The following GAK variants were observed in gnomAD, a reference collection of about 807,000 sequenced individuals.
GAK encodes cyclin-G-associated kinase.
GAK carries 79 observed loss-of-function variants against 143.9 expected under a neutral mutation model. The observed-to-expected ratio is 0.55, with a 90% CI of 0.46 to 0.66. The LOEUF (loss-of-function observed/expected upper bound fraction) is 0.66, where lower values mean the gene tolerates loss of function less well. Ranked by LOEUF, GAK falls within the 30% of genes least tolerant of loss-of-function variation. The probability of loss-of-function intolerance (pLI) is 0.00; values close to 1 mark genes in which losing one functional copy is unlikely to be tolerated. For synonymous variants in GAK, 881 were observed against 765.5 expected (o/e 1.15, Z -2.49); for missense variants, 1,693 against 1,779.7 (o/e 0.95, Z 0.88).
intron 5 of GAK, among the ~76,000 whole-genome samples, chr4:899,578 T>C (rs1577228157): frequency 6.9e-6 from 1 of 145,946 alleles, no homozygotes; most frequent in Non-Finnish European, 1.5e-5. Context: ...CAAGTTCTGA[T>C]AAGCCAGCCT....
intron 26 of GAK, 76 bp from the exon 27 acceptor site, chr4:850,144 C>CTTCCTCAGCGTCGTGCCTCA: frequency 7.1e-7 from 1 of 1,401,774 alleles, no homozygotes; most frequent in Non-Finnish European, 9.6e-7. Context: ...AACTGAGGCA[C>CTTCCTCAGCGTCGTGCCTCA]GACGCTGAGG....
chr4:901,310 C>T (rs1022330499), intron 5 of GAK, among the ~76,000 whole-genome samples: 1 of 152,294 alleles, frequency 6.6e-6, no homozygotes, highest in African/African-American at 2.4e-5. Context: ...CCAGGGCACA[C>T]GGGGAGAGCC....
At chr4:865,959 C>G (rs1355567232) in intron 22 of GAK, among the ~76,000 whole-genome samples, 1 of 152,262 alleles carries the variant, frequency 6.6e-6, no homozygotes, top group African/African-American at 2.4e-5. Context: ...CTGCTACACC[C>G]AGACCAGGTC....
chr4:910,664 G>T (rs1030620295), intron 4 of GAK, among the ~76,000 whole-genome samples: 3 of 152,088 alleles, frequency 2.0e-5, no homozygotes, highest in Non-Finnish European at 4.4e-5. Flanking sequence ...GGCTACAGGT[G>T]CCCTCCCCAC....
Position 888,917 on chromosome 4 carries a change from G to A in GAK, c.1135C>T (p.Arg379Trp), listed in dbSNP as rs780750210. ...QPYGGFLDIL[R>W]GGTERLFTNL... ...GTGAAGAGCCGCTCTGTCCCACCCCGCAGAATGTCCAGGAAGCCGCCATAC... is the reference window on the plus strand; with the variant it reads ...GTGAAGAGCCGCTCTGTCCCACCCCACAGAATGTCCAGGAAGCCGCCATAC... The change falls in exon 11 of 28, where the codon CGG becomes TGG. Residue 379 changes from arginine to tryptophan, a missense_variant. Arg to Trp is a moderately radical substitution (Grantham distance 101). Around this residue, in one of 2 missense-constraint regions of GAK, gnomAD observed 871 missense variants for 991.0 expected, o/e 0.88. Transcript: ENST00000314167. The A allele has an allele frequency of 2.5e-5, 41 of 1,612,334 alleles. No individual in the cohort carries two copies. The highest frequency in any genetic ancestry group is 1.8e-4 in the Admixed American group (11 of 59,904).
rs531186268 is a variant in GAK, at chr4:897,935, G to A, written c.651+98C>T. 1.7e-4 allele frequency: 231 copies of A among 1,369,708 alleles called. 1 individual carries two copies. The Middle Eastern group carries it at 4.5e-3, about 26-fold the overall frequency. 84.8% of individuals were successfully genotyped at this position (1,369,708 alleles called of 1,614,324 possible). A position where few individuals can be genotyped will look rare whatever the true frequency, so the allele number is the denominator to read the frequency against. The stretch of plus-strand genomic sequence containing the variant: ...CTGCACTCCAGCCTGGTGACAGAGC[G>A]AGACTCAAAGCACCCCGGCGGAAAA... On this transcript the variant is annotated intron_variant, in intron 6 of 27. Coordinates refer to ENST00000314167, the MANE Select transcript of GAK (RefSeq NM_005255.4).
At chr4:913,578 T>C (rs1722413996) in intron 2 of GAK, 29 bp downstream of exon 2, 1 of 1,571,642 alleles carries the variant, frequency 6.4e-7, no homozygotes, top group South Asian at 1.1e-5. Context: ...ACGTCAGAAA[T>C]CCAGAGAAGG....
At chr4:899,899 G>A (rs3775120) in intron 5 of GAK, among the ~76,000 whole-genome samples, 49,587 of 152,182 alleles carry the variant, frequency 0.33, 8,175 homozygotes, top group Non-Finnish European at 0.35. Flanking sequence ...GAAACCCAGT[G>A]AAGCCTAAGG....
At chr4:866,648 C>G in intron 21 of GAK, 114 bp from the exon 22 acceptor site, 1 of 1,144,826 alleles carries the variant, frequency 8.7e-7, no homozygotes, top group Non-Finnish European at 1.2e-6. Context: ...AGCCCAGACC[C>G]CACGGCTGCC....
intron 4 of GAK, among the ~76,000 whole-genome samples, chr4:907,385 G>A (rs1017450699): frequency 5.3e-5 from 8 of 152,214 alleles, no homozygotes. Context: ...CAGGAAAAAT[G>A]AGGGGCACCC....
intron 24 of GAK, among the ~76,000 whole-genome samples, chr4:856,596 T>TCAC (rs1264423339): frequency 1.7e-4 from 21 of 125,756 alleles, no homozygotes; most frequent in African/African-American, 6.3e-4. Context: ...CCACAGGTGC[T>TCAC]CACAGCTGCT....
At chr4:881,655 C>T (rs1351909827) in intron 15 of GAK, among the ~76,000 whole-genome samples, 1 of 152,250 alleles carries the variant, frequency 6.6e-6, no homozygotes, top group African/African-American at 2.4e-5. Context: ...TGTCAGAGAA[C>T]CTAGGATCCA....
intron 20 of GAK, among the ~76,000 whole-genome samples, chr4:868,001 G>C (rs996153057): frequency 5.3e-5 from 8 of 152,270 alleles, no homozygotes; most frequent in African/African-American, 1.9e-4. Flanking sequence ...GGTGCTCTGG[G>C]AACAGGCGGC....
intron 24 of GAK, chr4:853,664 G>C (rs1748600908): frequency 6.6e-6 from 1 of 152,396 alleles, no homozygotes. Context: ...ACACGCTCCA[G>C]CCTCCTCCGT....
At chr4:880,504 T>C (rs1714880079) in intron 15 of GAK, among the ~76,000 whole-genome samples, 1 of 151,886 alleles carries the variant, frequency 6.6e-6, no homozygotes, top group Non-Finnish European at 1.5e-5. Context: ...CGGCCCTCAC[T>C]CTCCCATCTG....
intron 11 of GAK, chr4:888,502 T>G (rs1716988758): frequency 3.7e-6 from 1 of 267,290 alleles, no homozygotes; most frequent in Non-Finnish European, 7.2e-6. Flanking sequence ...ACTGGCTCAG[T>G]GAGGCGCCAC....
At chr4:860,966 T>C (rs1238257642) in intron 23 of GAK, among the ~76,000 whole-genome samples, 1 of 152,222 alleles carries the variant, frequency 6.6e-6, no homozygotes, top group Non-Finnish European at 1.5e-5. Flanking sequence ...ACTGTAATGA[T>C]ATTTCAAACT....
chr4:910,141 C>T (rs1292613218), intron 4 of GAK, among the ~76,000 whole-genome samples: 2 of 152,158 alleles, frequency 1.3e-5, no homozygotes, highest in African/African-American at 4.8e-5. Context: ...CCCAGCTCCT[C>T]CCAGGCACAG....
At chr4:853,982 G>C (rs573916185) in intron 24 of GAK, among the ~76,000 whole-genome samples, 2 of 152,048 alleles carry the variant, frequency 1.3e-5, no homozygotes, top group Admixed American at 1.3e-4. Flanking sequence ...ATTTTTAGTA[G>C]AGACAGGGTT....
Sources: gnomAD v4.1 joint callset for allele counts (sites outside exome capture counted in the v4.1 genomes callset) on GRCh38, gnomAD v4.1.1 for gene constraint, gnomAD v4.1.1 regional missense constraint, MANE v1.5 for transcripts, NCBI Gene and HGNC (gene_info 2026-07-23, HGNC 2026-07-21) for gene names.